Variants in AOX1 observed in about 807,000 individuals in gnomAD.
AOX1 encodes the protein aldehyde oxidase.
A neutral mutation model predicts 169.5 loss-of-function variants in AOX1; 153 were observed. The observed-to-expected ratio is 0.90, with a 90% CI of 0.79 to 1.03. AOX1 has a LOEUF of 1.03. Ranked by LOEUF, AOX1 falls within the 50% of genes least tolerant of loss-of-function variation. AOX1 has a pLI of 0.00. For missense variants in AOX1, 1,656 were observed against 1,663.9 expected (o/e 1.00, Z 0.08); for synonymous variants, 562 against 581.9 (o/e 0.97, Z 0.49).
intron 23 of AOX1, among the ~76,000 whole-genome samples, chr2:200,639,892 C>G (rs1408064045): frequency 6.6e-6 from 1 of 151,880 alleles, no homozygotes. Context: ...AAAAAATTAG[C>G]CGGGCATGGT....
In AOX1 at chr2:200,668,616, T is replaced by A. The variant is rs778497143; in HGVS notation, c.3611T>A (p.Ile1204Asn). ...ATTCTTTTTTTGTTCTTGCCTCAGA[T>A]TGAAGGTGCATTTATTCAAGGCATG... ...SINPAIDIGQIEGAFIQGMGL... is the reference protein window; with the variant it reads ...SINPAIDIGQNEGAFIQGMGL... The change falls in exon 33 of 35, where the codon ATT (isoleucine) becomes AAT (asparagine). Residue 1204 changes from isoleucine (I) to asparagine (N), a missense_variant and splice_region_variant. Coordinates refer to ENST00000374700, the MANE Select transcript of AOX1 (RefSeq NM_001159.4). 1 of 1,601,392 alleles carries A rather than the reference T, an allele frequency of 6.2e-7. No homozygotes were observed. Among genetic ancestry groups the A allele is most frequent in the African/African-American group, 1.3e-5 (1 of 74,478 alleles).
Position 200,597,491 on chromosome 2 carries a change from A to G in AOX1, c.295A>G (p.Ile99Val), listed in dbSNP as rs747423225. The change falls in exon 4 of 35, where the codon ATT becomes GTT. Residue 99 changes from isoleucine (I) to valine (V), a missense_variant. Transcript: ENST00000374700. Reference protein sequence around the residue: ...VEGIGSTHTRIHPVQERIAKC... With the variant: ...VEGIGSTHTRVHPVQERIAKC... ...AGGCATAGGAAGCACCCACACCAGA[A>G]TTCATCCTGTTCAGGTGAGGATGTG... 3.1e-6 allele frequency: 5 copies of G among 1,611,350 alleles called. No homozygotes were observed. In the African/African-American group the frequency reaches 6.7e-5, roughly 21 times the overall value.
In AOX1 at chr2:200,656,890, C is replaced by T. The variant is rs764479130; in HGVS notation, c.3124C>T (p.His1042Tyr). ...TCTTGATGGCTCTGTGCTGGTCACTCACGGTGGAATTGAAATGGGGCAGGG... is the reference window on the plus strand; with the variant it reads ...TCTTGATGGCTCTGTGCTGGTCACTTACGGTGGAATTGAAATGGGGCAGGG... ...IYLDGSVLVT[H>Y]GGIEMGQGVH... Residue 1042 changes from histidine to tyrosine, a missense_variant, in exon 27 of 35, where the codon CAC becomes TAC. Coordinates refer to ENST00000374700, the MANE Select transcript of AOX1 (RefSeq NM_001159.4). 6.3e-7 allele frequency: 1 copy of T among 1,584,392 alleles called. No homozygotes were observed. The highest frequency in any genetic ancestry group is 2.3e-5 in the East Asian group (1 of 43,302).
downstream of AOX1, among the ~76,000 whole-genome samples, chr2:200,672,647 A>G (rs1165356399): frequency 6.6e-6 from 1 of 152,216 alleles, no homozygotes; most frequent in Non-Finnish European, 1.5e-5. Flanking sequence ...GCAGGCAGAA[A>G]AATTTTAAAA....
In AOX1 at chr2:200,586,015, C is replaced by T. The variant is rs2034019267; in HGVS notation, c.-94C>T. 7.1e-7 allele frequency: 1 copy of T among 1,414,798 alleles called. No homozygotes were observed. Among genetic ancestry groups the T allele is most frequent in the Admixed American group, 2.0e-5 (1 of 50,262 alleles). 87.6% of individuals were successfully genotyped at this position (1,414,798 alleles called of 1,614,324 possible). A position where few individuals can be genotyped will look rare whatever the true frequency, so the allele number is the denominator to read the frequency against. ...TTAGGCTCCAGCAAGCCCCGCCCCA[C>T]TCGGCGGGTCGGTGCCGCCGGGTCC... On this transcript the variant is annotated 5_prime_UTR_variant, in exon 1 of 35. Coordinates refer to ENST00000374700, the MANE Select transcript of AOX1 (RefSeq NM_001159.4).
chr2:200,615,606 T>C (rs1407754857), intron 15 of AOX1, among the ~76,000 whole-genome samples: 2 of 152,228 alleles, frequency 1.3e-5, no homozygotes, highest in African/African-American at 4.8e-5. Context: ...CTGGCTTAAG[T>C]ATTTTCTTCC....
chr2:200,591,530 T>C (rs545041027), intron 1 of AOX1, among the ~76,000 whole-genome samples: 1 of 152,370 alleles, frequency 6.6e-6, no homozygotes, highest in South Asian at 2.1e-4. Context: ...CCGTGTGGCC[T>C]GAGTTCGAAT....
intron 5 of AOX1, among the ~76,000 whole-genome samples, chr2:200,600,814 C>T (rs1027409192): frequency 6.6e-6 from 1 of 151,986 alleles, no homozygotes; most frequent in Non-Finnish European, 1.5e-5. Context: ...TTTCAGGGTA[C>T]TTAGGTCATA....
intron 26 of AOX1, among the ~76,000 whole-genome samples, chr2:200,656,104 T>C (rs1383658803): frequency 6.6e-6 from 1 of 152,222 alleles, no homozygotes; most frequent in Non-Finnish European, 1.5e-5. Context: ...GCTGCAAAAC[T>C]GTAAAGGTTG....
intron 1 of AOX1, among the ~76,000 whole-genome samples, chr2:200,592,867 A>G (rs994825369): frequency 1.3e-5 from 2 of 152,064 alleles, no homozygotes; most frequent in Non-Finnish European, 2.9e-5. Context: ...TCTAGAAAAA[A>G]CTGGACAGGA....
chr2:200,680,909 C>G (rs1182078156), downstream of AOX1, among the ~76,000 whole-genome samples: 2 of 152,066 alleles, frequency 1.3e-5, no homozygotes, highest in African/African-American at 4.8e-5. Flanking sequence ...TAAAAATGCC[C>G]TAAAGTGAAG....
chr2:200,651,917 C>T lies in AOX1; in HGVS notation c.3075+716C>T, dbSNP rs535551602. On this transcript the variant is annotated intron_variant, in intron 26 of 34. Coordinates refer to ENST00000374700, the MANE Select transcript of AOX1 (RefSeq NM_001159.4). The stretch of plus-strand genomic sequence containing the variant: ...ACATTCTAGCTCATTGTATGGCAGC[C>T]GGGAACCCCTATTATCTATTTTATT... Among the ~76,000 whole-genome samples the T allele has an allele frequency of 1.4e-4, 22 of 152,180 alleles. No homozygotes were observed. The East Asian group carries it at 3.9e-3, about 27-fold the overall frequency.
At chr2:200,656,214 G>A (rs186019576) in intron 26 of AOX1, among the ~76,000 whole-genome samples, 273 of 152,322 alleles carry the variant, frequency 1.8e-3, no homozygotes, top group Admixed American at 4.1e-3. Context: ...GAGCCAAAGG[G>A]AAGAAGCCAT....
At chr2:200,663,980 T>G (rs1045207217) in intron 31 of AOX1, among the ~76,000 whole-genome samples, 18 of 152,224 alleles carry the variant, frequency 1.2e-4, no homozygotes, top group African/African-American at 4.3e-4. Context: ...GTATCTAACC[T>G]GTCTGGTTCT....
chr2:200,650,919 G>A (rs1559255571), intron 25 of AOX1, 55 bp from the exon 26 acceptor site: 30 of 1,518,052 alleles, frequency 2.0e-5, no homozygotes, highest in Non-Finnish European at 2.0e-5. Context: ...GTGAATGGAT[G>A]AGCCTATGTC....
intron 25 of AOX1, among the ~76,000 whole-genome samples, chr2:200,643,645 T>C (rs1417066785): frequency 6.6e-6 from 1 of 152,192 alleles, no homozygotes; most frequent in Non-Finnish European, 1.5e-5. Context: ...CTGTCTTCCA[T>C]AGTGGCTGTA....
chr2:200,635,625 A>G (rs1388667607), intron 21 of AOX1, among the ~76,000 whole-genome samples: 4 of 152,156 alleles, frequency 2.6e-5, no homozygotes, highest in Non-Finnish European at 5.9e-5. Context: ...AATGACACCC[A>G]TTCATTTATT....
chr2:200,657,899 G>T (rs192732245), intron 27 of AOX1, among the ~76,000 whole-genome samples: 159 of 152,058 alleles, frequency 1.0e-3, no homozygotes, highest in African/African-American at 3.6e-3. Flanking sequence ...TTTTGCTTTT[G>T]CAAAAAAGTC....
At chr2:200,674,770 C>T (rs1447836555), downstream of AOX1, among the ~76,000 whole-genome samples, 2 of 152,196 alleles carry the variant, frequency 1.3e-5, no homozygotes, top group African/African-American at 4.8e-5. Context: ...CAATTTGACA[C>T]CATCCCTCCA....
Sources: gnomAD v4.1 joint callset for allele counts (sites outside exome capture counted in the v4.1 genomes callset) on GRCh38, gnomAD v4.1.1 for gene constraint, MANE v1.5 for transcripts, NCBI Gene and HGNC (gene_info 2026-07-23, HGNC 2026-07-21) for gene names.